The following TMEM182 variants were observed in gnomAD, a reference collection of about 807,000 sequenced individuals.
TMEM182 encodes the protein transmembrane protein 182.
Under a neutral mutation model 26.8 loss-of-function variants are expected in TMEM182, and 20 were observed. The ratio of observed to expected loss-of-function variants is 0.75; its 90% confidence interval spans 0.53 to 1.09. The LOEUF (loss-of-function observed/expected upper bound fraction) is 1.09. Among genes scored for constraint, TMEM182 ranks in the 50% least tolerant of loss-of-function variants. TMEM182 has a pLI of 0.00. For synonymous variants in TMEM182, 109 were observed against 102.2 expected, an observed-to-expected ratio of 1.07 and a Z score of -0.40; for missense variants, 277 against 275.5, an observed-to-expected ratio of 1.01 and a Z score of -0.04.
chr2:102,779,617 T>C (rs894808861), intron 3 of TMEM182, among the ~76,000 whole-genome samples: 23 of 152,214 alleles, frequency 1.5e-4, no homozygotes, highest in Non-Finnish European at 2.9e-4. Flanking sequence ...GTAAAACACA[T>C]ATGTTAATGT....
intron 3 of TMEM182, among the ~76,000 whole-genome samples, chr2:102,842,651 C>A (rs755404684): frequency 3.3e-5 from 5 of 152,232 alleles, no homozygotes; most frequent in Non-Finnish European, 5.9e-5. Context: ...GGGCATGCCA[C>A]TGACAGAAAG....
chr2:102,828,277 A>T (rs1349065476), intron 3 of TMEM182, among the ~76,000 whole-genome samples: 1 of 152,182 alleles, frequency 6.6e-6, no homozygotes, highest in African/African-American at 2.4e-5. Context: ...ATCACATGTA[A>T]CCGAGTTAAC....
intron 1 of TMEM182, among the ~76,000 whole-genome samples, chr2:102,741,239 A>C (rs1346325309): frequency 6.6e-6 from 1 of 152,196 alleles, no homozygotes; most frequent in Non-Finnish European, 1.5e-5. Flanking sequence ...GGATGACTTC[A>C]GGGGTAATTT....
intron 1 of TMEM182, among the ~76,000 whole-genome samples, chr2:102,753,380 TTAATG>T (rs749272740): frequency 5.0e-4 from 76 of 152,190 alleles, no homozygotes; most frequent in Non-Finnish European, 1.3e-4. Flanking sequence ...ACTGCCTAAA[TTAATG>T]AGGTGAATGA....
chr2:102,788,788 C>T lies in TMEM182; in HGVS notation c.332-9075C>T, dbSNP rs189096133. 2.3e-3 allele frequency among the ~76,000 whole-genome samples: 349 copies of T among 152,240 alleles called. 2 individuals are homozygous for T. Among genetic ancestry groups the T allele is most frequent in the Non-Finnish European group, 3.6e-3 (248 of 67,996 alleles). ...TTCCTCCCTGAAGCATCTCCTGAAT[C>T]GGGCAAGTTTAAGGGTGGGAGGTTA... On this transcript the variant is annotated intron_variant, in intron 3 of 4. Transcript: ENST00000412401.
chr2:102,816,544 A>AATAATG lies in TMEM182; in HGVS notation c.*1580_*1581insTGATAA. ...TAATAATAATAATAATAATAATAAT[A>AATAATG]ATAAAGCTCCAGAGGCCTAACTGGT... On this transcript the variant is annotated 3_prime_UTR_variant, in exon 5 of 5. Coordinates refer to ENST00000412401, the MANE Select transcript of TMEM182 (RefSeq NM_144632.5). 1.0e-6 allele frequency: 1 copy of AATAATG among 970,886 alleles called. No individual in the cohort carries two copies. The highest frequency in any genetic ancestry group is 1.8e-5 in the African/African-American group (1 of 56,622). The allele number at this position is 970,886 out of a possible 1,614,324, so 60.1% of individuals were successfully genotyped here. A position where few individuals can be genotyped will look rare whatever the true frequency, so the allele number is the denominator to read the frequency against.
At chr2:102,813,312 G>A (rs1428283281) in intron 4 of TMEM182, among the ~76,000 whole-genome samples, 4 of 152,176 alleles carry the variant, frequency 2.6e-5, no homozygotes, top group South Asian at 4.1e-4. Context: ...CACAATTAAC[G>A]TGAGAAATGT....
At chr2:102,818,766 C>CTATG (rs10693172), downstream of TMEM182, among the ~76,000 whole-genome samples, 2 of 125,960 alleles carry the variant, frequency 1.6e-5, no homozygotes, top group African/African-American at 5.6e-5. Flanking sequence ...ATCTATCTAT[C>CTATG]TATCTATCTA....
At chr2:102,754,770 G>GA (rs11380476) in intron 1 of TMEM182, among the ~76,000 whole-genome samples, 72,721 of 151,976 alleles carry the variant, frequency 0.48, 18,040 homozygotes, top group African/African-American at 0.61. Context: ...TTTGACTATA[G>GA]AAAAAGAATG....
At chr2:102,762,515 A>T in intron 1 of TMEM182, 72 bp from the exon 2 acceptor site, 4 of 1,554,554 alleles carry the variant, frequency 2.6e-6, no homozygotes, top group Non-Finnish European at 3.5e-6. Flanking sequence ...GTCCTTAAAA[A>T]TTTACTGGCT....
upstream of TMEM182, among the ~76,000 whole-genome samples, chr2:102,758,722 G>A (rs1045250785): frequency 6.6e-6 from 1 of 152,172 alleles, no homozygotes; most frequent in South Asian, 2.1e-4. Context: ...TTTTATTTCA[G>A]TGCCTGTTGT....
chr2:102,758,198 T>A (rs1342024089), upstream of TMEM182, among the ~76,000 whole-genome samples: 1 of 152,154 alleles, frequency 6.6e-6, no homozygotes, highest in African/African-American at 2.4e-5. Context: ...CAGCCCTTTC[T>A]ATTGAAAGGC....
At chr2:102,800,636 A>G (rs1558780144) in intron 4 of TMEM182, among the ~76,000 whole-genome samples, 1 of 151,514 alleles carries the variant, frequency 6.6e-6, no homozygotes, top group Admixed American at 6.6e-5. Context: ...ATGTACAAAT[A>G]TTTGTTTCTT....
At chr2:102,769,309 T>C (rs1484738523) in intron 3 of TMEM182, among the ~76,000 whole-genome samples, 1 of 152,104 alleles carries the variant, frequency 6.6e-6, no homozygotes, top group African/African-American at 2.4e-5. Flanking sequence ...AAATAAAGAA[T>C]ATAATTGATA....
chr2:102,801,668 C>G (rs555329932), intron 4 of TMEM182, among the ~76,000 whole-genome samples: 1 of 152,240 alleles, frequency 6.6e-6, no homozygotes, highest in Non-Finnish European at 1.5e-5. Flanking sequence ...TTACTAGTTA[C>G]AGAGAACAGG....
At chr2:102,794,438 G>A (rs1023227467) in intron 3 of TMEM182, among the ~76,000 whole-genome samples, 1 of 152,164 alleles carries the variant, frequency 6.6e-6, no homozygotes, top group Non-Finnish European at 1.5e-5. Context: ...GCACTCCGGT[G>A]TCATTTCTCT....
At chr2:102,772,239 G>T (rs1041058160) in intron 3 of TMEM182, among the ~76,000 whole-genome samples, 1 of 152,160 alleles carries the variant, frequency 6.6e-6, no homozygotes, top group Non-Finnish European at 1.5e-5. Flanking sequence ...TAGAACCAGG[G>T]AAAAGCAATT....
intron 3 of TMEM182, among the ~76,000 whole-genome samples, chr2:102,787,859 G>A (rs1159966365): frequency 6.6e-6 from 1 of 152,100 alleles, no homozygotes; most frequent in Non-Finnish European, 1.5e-5. Flanking sequence ...ACCTCTCTGA[G>A]CCTCATCTGT....
At chr2:102,755,802 A>G (rs2104646110) in intron 1 of TMEM182, among the ~76,000 whole-genome samples, 1 of 152,306 alleles carries the variant, frequency 6.6e-6, no homozygotes, top group South Asian at 2.1e-4. Flanking sequence ...TTGCTCATTC[A>G]TTATTAAACT....
Sources: gnomAD v4.1 joint callset for allele counts (sites outside exome capture counted in the v4.1 genomes callset) on GRCh38, gnomAD v4.1.1 for gene constraint, MANE v1.5 for transcripts, NCBI Gene and HGNC (gene_info 2026-07-23, HGNC 2026-07-21) for gene names.